The following LRRC56 variants were observed in gnomAD, a reference collection of about 807,000 sequenced individuals.
The protein encoded by LRRC56 is leucine rich repeat containing 56, also known as leucine-rich repeat-containing protein 56.
A neutral mutation model predicts 47.8 loss-of-function variants in LRRC56; 41 were observed. The ratio of observed to expected loss-of-function variants is 0.86; its 90% CI spans 0.67 to 1.11. The LOEUF (loss-of-function observed/expected upper bound fraction) is 1.11. Ranked by LOEUF, LRRC56 falls within the 50% of genes most tolerant of loss-of-function variation. The probability of loss-of-function intolerance (pLI) is 0.00; values close to 1 mark genes in which losing one functional copy is unlikely to be tolerated. For synonymous variants in LRRC56, 387 were observed against 311.2 expected, an observed-to-expected ratio of 1.24 and a Z score of -2.56; for missense variants, 759 against 704.2, an observed-to-expected ratio of 1.08 and a Z score of -0.88.
At chr11:533,721 C>A (rs1851266306), upstream of LRRC56, 2 of 1,611,502 alleles carry the variant, frequency 1.2e-6, no homozygotes, top group South Asian at 1.1e-5. Flanking sequence ...CGGCCTGGCC[C>A]CACCTGTGCG....
chr11:550,896 G>A (rs1428379659), intron 8 of LRRC56, among the ~76,000 whole-genome samples: 1 of 152,164 alleles, frequency 6.6e-6, no homozygotes, highest in African/African-American at 2.4e-5. Context: ...CCCTGGACCC[G>A]GCCTTGGGTC....
chr11:537,039 C>T (rs1047559009), upstream of LRRC56: 2 of 152,280 alleles, frequency 1.3e-5, no homozygotes, highest in Non-Finnish European at 2.9e-5. Flanking sequence ...GTGTGTGTTT[C>T]CTGGTCCTCG....
chr11:512,395 G>A, the LRRC56 span, among the ~76,000 whole-genome samples: 1 of 151,948 alleles, frequency 6.6e-6, no homozygotes, highest in Non-Finnish European at 1.5e-5. Flanking sequence ...CACCACACTT[G>A]GCTAATTTTT....
At position 552,248 on chromosome 11, in the gene LRRC56, G is replaced by A; in HGVS notation, c.1181+16G>A. On this transcript the variant is annotated intron_variant, in intron 12 of 13. Coordinates refer to ENST00000270115, the MANE Select transcript of LRRC56 (RefSeq NM_198075.4). ...ATGGCGTGCGGTGGGTGTCCCTCCA[G>A]CTCTTCCACTGGGTGTGTCCTGTCC... The A allele has an allele frequency of 6.2e-7, 1 of 1,603,756 alleles. No homozygotes were observed. Among genetic ancestry groups the A allele is most frequent in the Non-Finnish European group, 8.5e-7 (1 of 1,173,600 alleles).
intron 6 of LRRC56, among the ~76,000 whole-genome samples, chr11:546,099 C>T (rs1263475342): frequency 6.6e-6 from 1 of 151,738 alleles, no homozygotes; most frequent in Non-Finnish European, 1.5e-5. Flanking sequence ...GGAGAAATCC[C>T]ATCTCTACTA....
the LRRC56 span, among the ~76,000 whole-genome samples, chr11:520,622 T>C: frequency 6.6e-6 from 1 of 152,012 alleles, no homozygotes; most frequent in Admixed American, 6.6e-5. Flanking sequence ...CCCGGCCTAG[T>C]ATTGAATATT....
intron 6 of LRRC56, 74 bp downstream of exon 6, chr11:544,854 G>T: frequency 7.2e-7 from 1 of 1,396,662 alleles, no homozygotes; most frequent in Non-Finnish European, 1.0e-6. Flanking sequence ...CAGGGATGGG[G>T]GGAGAACTTG....
rs1439659527 is a variant in LRRC56 at position 551,965 on chromosome 11, C to T, written c.1036C>T (p.Gln346Ter). Residue 346 changes from glutamine (Q) to a stop codon, truncating the protein, a stop_gained and splice_region_variant, in exon 11 of 14, where the codon CAG (glutamine) becomes TAG (stop). Coordinates refer to ENST00000270115, the MANE Select transcript of LRRC56 (RefSeq NM_198075.4). LOFTEE classifies it high-confidence loss of function. ...CCTGCGGGAGCGTAGGCACCAGTGC[C>T]AGGTACAGCCCACAGGGACCAGCCC... ...KGLRERRHQC[Q>*]AREPPEQLPQ... The T allele has an allele frequency of 1.9e-5, 30 of 1,612,556 alleles. No individual in the cohort carries two copies. The highest frequency in any genetic ancestry group is 2.3e-5 in the Non-Finnish European group (27 of 1,179,904).
chr11:521,880 A>G, the LRRC56 span, among the ~76,000 whole-genome samples: 965 of 151,366 alleles, frequency 6.4e-3, 6 homozygotes, highest in Middle Eastern at 0.017. Flanking sequence ...ACGCCACTGC[A>G]CTCCAGCCTG....
chr11:507,705 T>A, the LRRC56 span, among the ~76,000 whole-genome samples: 1 of 152,144 alleles, frequency 6.6e-6, no homozygotes. Flanking sequence ...CTGGGGCGGC[T>A]CCGCATGTCG....
chr11:518,847 C>G, the LRRC56 span, among the ~76,000 whole-genome samples: 1 of 151,784 alleles, frequency 6.6e-6, no homozygotes, highest in South Asian at 2.1e-4. Context: ...GCCCCGAACG[C>G]GCGAGCGAGG....
upstream of LRRC56, chr11:533,707 C>G: frequency 6.2e-7 from 1 of 1,610,748 alleles, no homozygotes; most frequent in Non-Finnish European, 8.5e-7. Context: ...TGCCTGGACG[C>G]AGCCGGCCTG....
upstream of LRRC56, chr11:535,289 CCCG>C (rs113931482): frequency 0.012 from 1,709 of 141,270 alleles, 21 homozygotes; most frequent in African/African-American, 0.034. Flanking sequence ...GCCCCACCCA[CCCG>C]CCGCCGCCGC....
the LRRC56 span, among the ~76,000 whole-genome samples, chr11:514,888 G>A: frequency 0.012 from 1,815 of 152,174 alleles, 48 homozygotes; most frequent in African/African-American, 0.042. Context: ...CGAGGTTGAC[G>A]CAGCTAGATG....
In LRRC56 at chr11:554,354, T is replaced by G. The variant is rs115366880; in HGVS notation, c.*78T>G. The G allele has an allele frequency of 3.1e-6, 4 of 1,272,564 alleles. No individual in the cohort carries two copies. The African/African-American group carries it at 4.6e-5, about 15-fold the overall frequency. 78.8% of individuals were successfully genotyped at this position (1,272,564 alleles called of 1,614,324 possible). A position where few individuals can be genotyped will look rare whatever the true frequency, so the allele number is the denominator to read the frequency against. ...ATGTGGTCACAGAGCACAGAATACC[T>G]GGGCGGGTGTGTTGGGGGGTGGAAG... On this transcript the variant is annotated 3_prime_UTR_variant, in exon 14 of 14. Coordinates refer to ENST00000270115, the MANE Select transcript of LRRC56 (RefSeq NM_198075.4).
chr11:531,134 T>C, the LRRC56 span, among the ~76,000 whole-genome samples: 1 of 147,130 alleles, frequency 6.8e-6, no homozygotes, highest in Non-Finnish European at 1.5e-5. Context: ...TGGCGTCCCC[T>C]GGACAGAAGG....
chr11:533,676 G>A (rs1027840031), upstream of LRRC56: 5 of 1,611,418 alleles, frequency 3.1e-6, no homozygotes, highest in Admixed American at 1.7e-5. Flanking sequence ...CAGGACATGC[G>A]CAGAGAGGAC....
Position 554,070 on chromosome 11 carries a change from AG to A in LRRC56, c.1428del (p.Arg477ValfsTer23). On this transcript the variant is annotated frameshift_variant, in exon 14 of 14. Transcript: ENST00000270115. LOFTEE classifies it low-confidence loss of function (END_TRUNC). ...SPRWSTDLQS[R>X]GRRLRVLGSW... The stretch of plus-strand genomic sequence containing the variant: ...GCGGTGGTCGACAGACCTGCAGTCC[AG>A]GGGGCGTCGGCTCCGAGTCCTGGGC... The A allele has an allele frequency of 6.2e-7, 1 of 1,610,006 alleles. No homozygotes were observed.
upstream of LRRC56, chr11:537,031 G>C (rs7938775): frequency 0.24 from 35,148 of 149,486 alleles, 4,322 homozygotes; most frequent in African/African-American, 0.33. Flanking sequence ...GGCGTCCGGT[G>C]TGTGTTTCCT....
Sources: allele counts gnomAD v4.1 joint callset (sites outside exome capture counted in the v4.1 genomes callset), GRCh38; gene constraint gnomAD v4.1.1; transcripts MANE v1.5; gene names NCBI Gene and HGNC (gene_info 2026-07-23, HGNC 2026-07-21).